CCSER1: variants seen among roughly 807,000 people sequenced by gnomAD.
CCSER1 encodes coiled-coil serine rich protein 1.
In CCSER1, 41 loss-of-function variants were observed where a neutral mutation model predicts 82.0. The ratio of observed to expected loss-of-function variants is 0.50; its 90% CI spans 0.39 to 0.65. The LOEUF (loss-of-function observed/expected upper bound fraction) is 0.65. Ranked by LOEUF, CCSER1 falls within the 30% of genes least tolerant of loss-of-function variation. The pLI, the probability that CCSER1 is intolerant of heterozygous loss-of-function variation, is 0.00. For synonymous variants in CCSER1, 414 were observed against 383.9 expected (o/e 1.08, Z -0.92); for missense variants, 1,119 against 1,064.2 (o/e 1.05, Z -0.72).
In CCSER1 at chr4:91,262,301, A is replaced by G. The variant is rs114971147; in HGVS notation, c.2217+176307A>G. 6.2e-3 allele frequency among the ~76,000 whole-genome samples: 947 copies of G among 152,230 alleles called. 10 individuals are homozygous for G. The highest frequency in any genetic ancestry group is 0.021 in the African/African-American group (882 of 41,556). Reference sequence around the variant, plus strand: ...TTAATGTTCTTTATACATTTAGGACAAAATAGACTCTCAATACATGTTAGT... The same window carrying G: ...TTAATGTTCTTTATACATTTAGGACGAAATAGACTCTCAATACATGTTAGT... On this transcript the variant is annotated intron_variant, in intron 10 of 10. Transcript: ENST00000509176.
At chr4:91,028,359 C>A (rs1375167520) in intron 9 of CCSER1, among the ~76,000 whole-genome samples, 1 of 151,876 alleles carries the variant, frequency 6.6e-6, no homozygotes, top group African/African-American at 2.4e-5. Flanking sequence ...GAGATCAAAT[C>A]ATATGTTCAT....
chr4:91,507,668 A>G (rs1759575826), intron 10 of CCSER1, among the ~76,000 whole-genome samples: 1 of 151,578 alleles, frequency 6.6e-6, no homozygotes, highest in Non-Finnish European at 1.5e-5. Context: ...TCCTTTACAT[A>G]TATATAACTT....
At chr4:90,887,040 T>A in intron 8 of CCSER1, among the ~76,000 whole-genome samples, 1 of 152,206 alleles carries the variant, frequency 6.6e-6, no homozygotes, top group Admixed American at 6.5e-5. Flanking sequence ...CACACACAGA[T>A]ATAAACCTTC....
intron 8 of CCSER1, among the ~76,000 whole-genome samples, chr4:90,864,552 C>T (rs538348582): frequency 6.6e-6 from 1 of 152,064 alleles, no homozygotes; most frequent in East Asian, 1.9e-4. Flanking sequence ...AGGTGTGGCC[C>T]CCCAATCTTG....
chr4:90,941,475 A>T lies in CCSER1; in HGVS notation c.2172+18028A>T, dbSNP rs566315990. On this transcript the variant is annotated intron_variant, in intron 9 of 10. Transcript: ENST00000509176. The stretch of plus-strand genomic sequence containing the variant: ...CCAAATTGTATCATTTTCCTTAGTT[A>T]CCTAAATTTAATATTGTTTTAAATA... Among the ~76,000 whole-genome samples the T allele has an allele frequency of 1.5e-3, 231 of 152,180 alleles. 1 individual carries two copies. The highest frequency in any genetic ancestry group is 5.0e-3 in the African/African-American group (206 of 41,550).
At chr4:90,716,315 A>G (rs1229100340) in intron 6 of CCSER1, among the ~76,000 whole-genome samples, 3 of 151,976 alleles carry the variant, frequency 2.0e-5, no homozygotes, top group African/African-American at 7.2e-5. Flanking sequence ...AAAAAGTAGT[A>G]AATACTTTTA....
chr4:91,100,996 C>T (rs917221318), intron 10 of CCSER1, among the ~76,000 whole-genome samples: 3 of 151,624 alleles, frequency 2.0e-5, no homozygotes, highest in Admixed American at 1.3e-4. Context: ...CTAGAGTAGG[C>T]ACATAGTGAC....
chr4:91,598,212 A>G (rs1281012932), intron 10 of CCSER1, among the ~76,000 whole-genome samples: 9 of 152,326 alleles, frequency 5.9e-5, no homozygotes, highest in East Asian at 3.9e-4. Context: ...TCATATGTCT[A>G]TATTCATCAC....
chr4:91,408,829 A>AT (rs1752857517), intron 10 of CCSER1, among the ~76,000 whole-genome samples: 1 of 152,194 alleles, frequency 6.6e-6, no homozygotes, highest in Admixed American at 6.5e-5. Context: ...AGTGCTTTAT[A>AT]TTTTTTAAAT....
chr4:90,352,991 G>A (rs1466211812), intron 3 of CCSER1, among the ~76,000 whole-genome samples: 2 of 129,212 alleles, frequency 1.5e-5, no homozygotes, highest in Non-Finnish European at 3.3e-5. Context: ...TAGGAACTGA[G>A]GAAATATTAG....
At chr4:90,875,438 G>A (rs1451727066) in intron 8 of CCSER1, among the ~76,000 whole-genome samples, 1 of 152,094 alleles carries the variant, frequency 6.6e-6, no homozygotes, top group African/African-American at 2.4e-5. Flanking sequence ...GAGAACAAAT[G>A]ACTTCACATC....
chr4:90,412,086 T>C (rs1754947413), intron 4 of CCSER1, among the ~76,000 whole-genome samples: 1 of 151,860 alleles, frequency 6.6e-6, no homozygotes. Flanking sequence ...AATGATAGAC[T>C]GGATTAAGAA....
At chr4:90,657,403 A>G (rs920042525) in intron 6 of CCSER1, among the ~76,000 whole-genome samples, 3 of 151,872 alleles carry the variant, frequency 2.0e-5, no homozygotes, top group African/African-American at 7.3e-5. Flanking sequence ...TTTGCTGTTT[A>G]TGTTATTTAC....
rs180814294 is a variant in CCSER1 at position 91,472,369 on chromosome 4, G to A, written c.2218-126203G>A. ...TAAAAGGAACTCAAGAGTCTCAAAT[G>A]TTCTTACTTGAGTCTGTAGTGTTAC... On this transcript the variant is annotated intron_variant, in intron 10 of 10. Transcript: ENST00000509176. 3.8e-3 allele frequency among the ~76,000 whole-genome samples: 584 copies of A among 152,286 alleles called. 4 individuals carry two copies. The highest frequency in any genetic ancestry group is 0.018 in the South Asian group (85 of 4,824).
chr4:90,481,283 G>A (rs1032254314), intron 5 of CCSER1, among the ~76,000 whole-genome samples: 2 of 152,008 alleles, frequency 1.3e-5, no homozygotes, highest in Admixed American at 6.6e-5. Context: ...GAGACAATGG[G>A]GTTTTCTAGA....
chr4:90,785,495 G>T (rs565026400), intron 7 of CCSER1, among the ~76,000 whole-genome samples: 1 of 152,286 alleles, frequency 6.6e-6, no homozygotes, highest in Non-Finnish European at 1.5e-5. Context: ...GATAATCAAA[G>T]TGAATAGAAA....
intron 10 of CCSER1, among the ~76,000 whole-genome samples, chr4:91,171,713 TAA>T: frequency 6.6e-6 from 1 of 152,132 alleles, no homozygotes; most frequent in Non-Finnish European, 1.5e-5. Context: ...GTATCTCATA[TAA>T]AAGAGTGGAA....
intron 10 of CCSER1, among the ~76,000 whole-genome samples, chr4:91,468,270 G>A (rs571926566): frequency 1.3e-5 from 2 of 152,220 alleles, no homozygotes; most frequent in South Asian, 4.2e-4. Context: ...ACCAAACACT[G>A]CATGTTCTCA....
At chr4:91,468,135 T>A (rs931596717) in intron 10 of CCSER1, among the ~76,000 whole-genome samples, 3 of 152,124 alleles carry the variant, frequency 2.0e-5, no homozygotes, top group African/African-American at 7.2e-5. Context: ...GGATTAAGAA[T>A]ATGTGGCACA....
Sources: allele counts gnomAD v4.1 joint callset (sites outside exome capture counted in the v4.1 genomes callset), GRCh38; gene constraint gnomAD v4.1.1; transcripts MANE v1.5; gene names NCBI Gene and HGNC (gene_info 2026-07-23, HGNC 2026-07-21).